CUL3: variants seen among roughly 807,000 people sequenced by gnomAD.
The protein encoded by CUL3 is cullin 3.
A neutral mutation model predicts 89.1 loss-of-function variants in CUL3; 19 were observed. The observed-to-expected ratio is 0.21, with a 90% CI of 0.15 to 0.31. The LOEUF is 0.31. Among genes scored for constraint, CUL3 ranks in the 10% least tolerant of loss-of-function variants. The pLI is 1.00. For missense variants in CUL3, 469 were observed against 942.3 expected (o/e 0.50, Z 6.58); for synonymous variants, 351 against 308.4 (o/e 1.14, Z -1.45).
chr2:224,556,366 T>C (rs1694708579), intron 2 of CUL3: 1 of 152,128 alleles, frequency 6.6e-6, no homozygotes, highest in African/African-American at 2.4e-5. Context: ...TAAACTGACA[T>C]CAAGTGCCTC....
chr2:224,585,138 GGA>G lies in CUL3; in HGVS notation c.-131_-130del. 1.8e-6 allele frequency: 1 copy of G among 546,606 alleles called. No homozygotes were observed. 33.9% of individuals were successfully genotyped at this position (546,606 alleles called of 1,614,324 possible). On this transcript the variant is annotated 5_prime_UTR_variant, in exon 1 of 16. Transcript: ENST00000264414. ...CGGCGCGACCCCCGGGCAGGGCTGG[GGA>G]GCTGGCCGGCCCCTGGGCAGCCGCG...
At chr2:224,521,968 G>T (rs1335720859) in intron 3 of CUL3, among the ~76,000 whole-genome samples, 1 of 148,676 alleles carries the variant, frequency 6.7e-6, no homozygotes, top group African/African-American at 2.5e-5. Context: ...AATACGAAAA[G>T]ACAAATGTAA....
intron 1 of CUL3, among the ~76,000 whole-genome samples, 197 bp from the exon 2 acceptor site, chr2:224,558,053 T>C (rs556783998): frequency 2.7e-4 from 41 of 152,134 alleles, no homozygotes; most frequent in Admixed American, 2.1e-3. Context: ...AGGTTCTAGA[T>C]CTGTTAGAAG....
chr2:224,571,399 T>C (rs569742612), intron 1 of CUL3, among the ~76,000 whole-genome samples: 1 of 152,170 alleles, frequency 6.6e-6, no homozygotes, highest in Admixed American at 6.5e-5. Context: ...TTTTTACACA[T>C]TCATCTATGA....
intron 8 of CUL3, among the ~76,000 whole-genome samples, chr2:224,504,784 T>C (rs1194299468): frequency 6.6e-6 from 1 of 152,230 alleles, no homozygotes; most frequent in Admixed American, 6.5e-5. Context: ...CATGTTGCTT[T>C]TCCCTTTGGT....
intron 3 of CUL3, among the ~76,000 whole-genome samples, chr2:224,526,414 G>A (rs184423763): frequency 4.0e-5 from 6 of 151,740 alleles, no homozygotes; most frequent in East Asian, 1.9e-4. Flanking sequence ...GGTGAATCCC[G>A]TCTTTAAGAA....
intron 8 of CUL3, 33 bp from the exon 9 acceptor site, chr2:224,503,855 AT>A: frequency 6.8e-7 from 1 of 1,477,310 alleles, no homozygotes; most frequent in Middle Eastern, 1.9e-4. Context: ...CAATTATACA[AT>A]TTTAGTTCTA....
intron 6 of CUL3, among the ~76,000 whole-genome samples, chr2:224,510,178 C>T (rs1025756968): frequency 1.3e-5 from 2 of 149,756 alleles, no homozygotes; most frequent in Non-Finnish European, 3.0e-5. Flanking sequence ...TGACTTGGAC[C>T]TCAATTTTAG....
intron 8 of CUL3, among the ~76,000 whole-genome samples, chr2:224,505,228 C>A (rs1017578892): frequency 4.0e-5 from 6 of 151,518 alleles, no homozygotes. Context: ...ACCTCCGCCT[C>A]CTGGGTTCAA....
chr2:224,540,384 T>TA (rs1375539939), intron 2 of CUL3, among the ~76,000 whole-genome samples: 1 of 150,600 alleles, frequency 6.6e-6, no homozygotes, highest in African/African-American at 2.4e-5. Flanking sequence ...AAAACGGCTC[T>TA]AAAAACCAAA....
intron 3 of CUL3, among the ~76,000 whole-genome samples, chr2:224,517,779 T>A (rs1428823600): frequency 6.6e-6 from 1 of 152,224 alleles, no homozygotes; most frequent in Non-Finnish European, 1.5e-5. Context: ...TGAAGTAATC[T>A]GAATGTAAAA....
At chr2:224,484,005 C>A (rs961831819) in intron 13 of CUL3, among the ~76,000 whole-genome samples, 1 of 152,092 alleles carries the variant, frequency 6.6e-6, no homozygotes, top group Non-Finnish European at 1.5e-5. Flanking sequence ...GCCTGGTCAA[C>A]ATAGCAAGAT....
At chr2:224,543,390 C>T (rs1215755662) in intron 2 of CUL3, among the ~76,000 whole-genome samples, 1 of 151,956 alleles carries the variant, frequency 6.6e-6, no homozygotes, top group Non-Finnish European at 1.5e-5. Flanking sequence ...CTAATTATAC[C>T]AGGACATTAA....
intron 13 of CUL3, among the ~76,000 whole-genome samples, chr2:224,492,931 A>G (rs1193039399): frequency 5.3e-5 from 8 of 152,192 alleles, no homozygotes; most frequent in African/African-American, 1.9e-4. Context: ...TTGAGGACAA[A>G]GAGCCACATG....
chr2:224,552,792 G>C (rs1694564065), intron 2 of CUL3, among the ~76,000 whole-genome samples: 2 of 152,128 alleles, frequency 1.3e-5, no homozygotes, highest in Admixed American at 1.3e-4. Context: ...TAAATATATG[G>C]TTCGTCAGGC....
intron 3 of CUL3, among the ~76,000 whole-genome samples, chr2:224,522,037 T>G (rs2106238332): frequency 7.2e-6 from 1 of 137,962 alleles, no homozygotes; most frequent in South Asian, 2.2e-4. Context: ...AAGCTAGAGA[T>G]AAACCCTGAA....
intron 13 of CUL3, among the ~76,000 whole-genome samples, chr2:224,491,892 A>G (rs1217178287): frequency 1.3e-5 from 2 of 152,216 alleles, no homozygotes; most frequent in Admixed American, 1.3e-4. Context: ...CAATATCTTA[A>G]TAACGATCTT....
intron 13 of CUL3, among the ~76,000 whole-genome samples, chr2:224,487,492 TA>T (rs375340338): frequency 1.1e-5 from 1 of 90,166 alleles, no homozygotes; most frequent in African/African-American, 4.3e-5. Flanking sequence ...TAGTCTCTGA[TA>T]AAAAAAGACA....
At chr2:224,532,851 G>C (rs1437789501) in intron 3 of CUL3, 1 of 152,148 alleles carries the variant, frequency 6.6e-6, no homozygotes, top group Non-Finnish European at 1.5e-5. Flanking sequence ...CATAGCACAG[G>C]TTGAGATGTG....
Sources: gnomAD v4.1 joint callset for allele counts (sites outside exome capture counted in the v4.1 genomes callset) on GRCh38, gnomAD v4.1.1 for gene constraint, MANE v1.5 for transcripts, NCBI Gene and HGNC (gene_info 2026-07-23, HGNC 2026-07-21) for gene names.